The following PCGF6 variants were observed in gnomAD, a reference collection of about 807,000 sequenced individuals.
PCGF6 encodes polycomb group RING finger protein 6.
A neutral mutation model predicts 45.5 loss-of-function variants in PCGF6; 24 were observed. The ratio of observed to expected loss-of-function variants is 0.53; its 90% CI spans 0.38 to 0.74. PCGF6 has a LOEUF of 0.74. Among genes scored for constraint, PCGF6 ranks in the 30% least tolerant of loss-of-function variants. The pLI, the probability that PCGF6 is intolerant of heterozygous loss-of-function variation, is 0.00. For synonymous variants in PCGF6, 152 were observed against 162.1 expected (o/e 0.94, Z 0.47); for missense variants, 356 against 443.2 (o/e 0.80, Z 1.77).
chr10:103,324,937 C>A (rs1196079709), intron 8 of PCGF6, among the ~76,000 whole-genome samples: 1 of 151,246 alleles, frequency 6.6e-6, no homozygotes, highest in Non-Finnish European at 1.5e-5. Context: ...GAGTTCGAGA[C>A]CAGCCAGACC....
Position 103,308,401 on chromosome 10 carries a change from CTTTT to C in PCGF6, c.997-4444_997-4441del, listed in dbSNP as rs769878283. 2.1e-5 allele frequency among the ~76,000 whole-genome samples: 3 copies of C among 144,578 alleles called. No individual in the cohort carries two copies. In the Admixed American group the frequency reaches 2.1e-4, roughly 10 times the overall value. The allele number at this position is 144,578 out of a possible 152,430, so 94.8% of individuals were successfully genotyped here. ...CAGGGAGACAAAGGAGATTTTAGAG[CTTTT>C]TTTTTTTTTCTGAGACAGAGTCTTG... is the stretch of plus-strand genomic sequence containing the variant. On this transcript the variant is annotated intron_variant, in intron 9 of 9. Coordinates refer to ENST00000369847, the MANE Select transcript of PCGF6 (RefSeq NM_001011663.2).
intron 6 of PCGF6, among the ~76,000 whole-genome samples, chr10:103,341,005 G>A (rs754133452): frequency 1.3e-4 from 20 of 152,098 alleles, no homozygotes; most frequent in Admixed American, 2.6e-4. Flanking sequence ...CAAGGTGGGC[G>A]GATCACCTGA....
chr10:103,316,809 A>G (rs1277640525), intron 8 of PCGF6, among the ~76,000 whole-genome samples: 1 of 152,124 alleles, frequency 6.6e-6, no homozygotes, highest in African/African-American at 2.4e-5. Context: ...CTAAAATCCA[A>G]AAGTTGTTAC....
In PCGF6 at chr10:103,303,683, T is replaced by G. The variant is rs1398962344; in HGVS notation, c.*222A>C. 5 of 390,442 alleles carry G rather than the reference T, an allele frequency of 1.3e-5. No homozygotes were observed. The highest frequency in any genetic ancestry group is 3.8e-5 in the East Asian group (1 of 26,136). 24.2% of individuals were successfully genotyped at this position (390,442 alleles called of 1,614,324 possible). On this transcript the variant is annotated 3_prime_UTR_variant, in exon 10 of 10. Transcript: ENST00000369847. ...TTTTAAAATTCAATTTTTGAAAAAT[T>G]TCCCCTGAGCTTTGGCTGCTTTTTA...
intron 8 of PCGF6, among the ~76,000 whole-genome samples, chr10:103,315,533 G>GT (rs2093171732): frequency 6.6e-6 from 1 of 152,128 alleles, no homozygotes; most frequent in African/African-American, 2.4e-5. Context: ...CTTATTTTTT[G>GT]TATTTTTAGT....
chr10:103,328,990 C>T (rs1373631879), intron 7 of PCGF6, among the ~76,000 whole-genome samples: 3 of 151,606 alleles, frequency 2.0e-5, no homozygotes, highest in African/African-American at 7.3e-5. Context: ...CATGATCTAC[C>T]GGCCTCAGCG....
intron 8 of PCGF6, among the ~76,000 whole-genome samples, chr10:103,320,886 G>C (rs2093194790): frequency 6.6e-6 from 1 of 152,072 alleles, no homozygotes; most frequent in East Asian, 1.9e-4. Flanking sequence ...TTCAAAGAAA[G>C]TCAGCATAGC....
chr10:103,342,231 G>T (rs1186109659), intron 6 of PCGF6, among the ~76,000 whole-genome samples: 1 of 145,492 alleles, frequency 6.9e-6, no homozygotes, highest in African/African-American at 2.5e-5. Flanking sequence ...ACTGCACCCG[G>T]ACTTTTTTTT....
At chr10:103,333,313 A>G (rs2093246727) in intron 7 of PCGF6, among the ~76,000 whole-genome samples, 1 of 152,126 alleles carries the variant, frequency 6.6e-6, no homozygotes, top group African/African-American at 2.4e-5. Flanking sequence ...CCTAACTTTC[A>G]GTACAGACAC....
intron 6 of PCGF6, among the ~76,000 whole-genome samples, chr10:103,338,290 T>TCCCA (rs1022898811): frequency 2.2e-4 from 33 of 151,376 alleles, no homozygotes; most frequent in African/African-American, 8.0e-4. Context: ...ATGCCTCTAA[T>TCCCA]CCCAGCACTT....
At chr10:103,313,463 G>A (rs941974766) in intron 9 of PCGF6, among the ~76,000 whole-genome samples, 2 of 152,172 alleles carry the variant, frequency 1.3e-5, no homozygotes, top group Admixed American at 1.3e-4. Flanking sequence ...TAATAGGGAG[G>A]CTGAGGCAGG....
intron 9 of PCGF6, 125 bp from the exon 10 acceptor site, chr10:103,304,086 G>A: frequency 1.2e-5 from 8 of 666,648 alleles, no homozygotes; most frequent in South Asian, 4.2e-5. Context: ...TTAATTTAAA[G>A]AAAATAAGTG....
chr10:103,309,206 G>C (rs974297665), intron 9 of PCGF6, among the ~76,000 whole-genome samples: 1 of 151,504 alleles, frequency 6.6e-6, no homozygotes, highest in South Asian at 2.1e-4. Context: ...TGGGGGGGGG[G>C]CATGATTTGG....
intron 7 of PCGF6, 35 bp downstream of exon 7, chr10:103,333,890 C>T: frequency 6.6e-7 from 1 of 1,522,920 alleles, no homozygotes; most frequent in Admixed American, 2.1e-5. Flanking sequence ...CTACAGAGTC[C>T]TCTTGTGAAA....
At chr10:103,344,668 G>T (rs60388741) in intron 6 of PCGF6, among the ~76,000 whole-genome samples, 72,614 of 147,552 alleles carry the variant, frequency 0.49, 17,674 homozygotes, top group South Asian at 0.66. Context: ...GTTCAAGAGA[G>T]TCTCCTGCCT....
intron 1 of PCGF6, among the ~76,000 whole-genome samples, chr10:103,349,740 G>A (rs1592081075): frequency 6.7e-6 from 1 of 149,834 alleles, no homozygotes; most frequent in Admixed American, 6.6e-5. Context: ...CCCAAAGTGC[G>A]GGGATTATAG....
chr10:103,319,335 T>C (rs2093188004), intron 8 of PCGF6, among the ~76,000 whole-genome samples: 1 of 152,038 alleles, frequency 6.6e-6, no homozygotes, highest in Non-Finnish European at 1.5e-5. Context: ...GTATTTTTAG[T>C]AGAGACGGGG....
intron 9 of PCGF6, among the ~76,000 whole-genome samples, chr10:103,306,457 A>G (rs2093138768): frequency 6.6e-6 from 1 of 152,176 alleles, no homozygotes; most frequent in Non-Finnish European, 1.5e-5. Flanking sequence ...ACTAGCTAAA[A>G]GGAAAGGTCA....
intron 6 of PCGF6, among the ~76,000 whole-genome samples, chr10:103,339,806 AAAAAACACAC>A (rs1174040254): frequency 0.031 from 2,199 of 71,188 alleles, 94 homozygotes; most frequent in South Asian, 0.041. Context: ...TGTCTCAAAA[AAAAAACACAC>A]ACACACACAC....
Sources: gnomAD v4.1 joint callset for allele counts (sites outside exome capture counted in the v4.1 genomes callset) on GRCh38, gnomAD v4.1.1 for gene constraint, MANE v1.5 for transcripts, NCBI Gene and HGNC (gene_info 2026-07-23, HGNC 2026-07-21) for gene names.